ERC1: variants seen among roughly 807,000 people sequenced by gnomAD.
The protein encoded by ERC1 is ELKS/RAB6-interacting/CAST family member 1.
A neutral mutation model predicts 132.0 loss-of-function variants in ERC1; 56 were observed. The ratio of observed to expected loss-of-function variants is 0.42; its 90% CI spans 0.34 to 0.53. The LOEUF (loss-of-function observed/expected upper bound fraction) is 0.53. Among genes scored for constraint, ERC1 ranks in the 20% least tolerant of loss-of-function variants. The pLI is 0.03. For missense variants in ERC1, 1,202 were observed against 1,349.9 expected, an observed-to-expected ratio of 0.89 and a Z score of 1.72; for synonymous variants, 478 against 476.1, an observed-to-expected ratio of 1.00 and a Z score of -0.05.
intron 1 of ERC1, among the ~76,000 whole-genome samples, chr12:1,017,434 T>C (rs942366900): frequency 6.6e-5 from 10 of 152,210 alleles, no homozygotes; most frequent in Non-Finnish European, 1.2e-4. Context: ...AATTAGATTT[T>C]AGGAAATTTC....
intron 15 of ERC1, among the ~76,000 whole-genome samples, chr12:1,295,767 A>G (rs1421174651): frequency 6.6e-6 from 1 of 152,124 alleles, no homozygotes; most frequent in Non-Finnish European, 1.5e-5. Flanking sequence ...CTTTCAGCAG[A>G]TCAGCATACC....
intron 15 of ERC1, among the ~76,000 whole-genome samples, chr12:1,349,475 T>C (rs1402662671): frequency 6.6e-6 from 1 of 152,012 alleles, no homozygotes; most frequent in Non-Finnish European, 1.5e-5. Flanking sequence ...CACCAGCCTG[T>C]CCAATATGGT....
In ERC1 at chr12:1,324,959, G is replaced by T. The variant is rs555996370; in HGVS notation, c.2780+34947G>T. ...TAGCCCACACAGGAGGCAACTTAAT[G>T]TACAAAATGTTTTAAGTTAATTACT... On this transcript the variant is annotated intron_variant, in intron 15 of 18. Coordinates refer to ENST00000360905, the MANE Select transcript of ERC1 (RefSeq NM_178040.4). Among the ~76,000 whole-genome samples the T allele has an allele frequency of 1.8e-4, 27 of 152,126 alleles. 1 individual carries two copies. The highest frequency in any genetic ancestry group is 3.2e-3 in the Middle Eastern group (1 of 316).
intron 14 of ERC1, among the ~76,000 whole-genome samples, chr12:1,265,273 T>C (rs532181040): frequency 1.3e-5 from 2 of 152,316 alleles, no homozygotes; most frequent in South Asian, 4.1e-4. Flanking sequence ...TATTGACAAG[T>C]ATTAAACATC....
chr12:1,486,615 G>A (rs1375492234), intron 18 of ERC1, among the ~76,000 whole-genome samples: 1 of 151,992 alleles, frequency 6.6e-6, no homozygotes, highest in East Asian at 1.9e-4. Context: ...AGTAGAGACG[G>A]GGTTTTGCCG....
chr12:1,050,786 A>G (rs919350963), intron 2 of ERC1, among the ~76,000 whole-genome samples: 1 of 152,146 alleles, frequency 6.6e-6, no homozygotes, highest in Non-Finnish European at 1.5e-5. Flanking sequence ...CGGGTTGATC[A>G]CGAGGTGAAG....
chr12:1,299,097 A>G (rs1468521877), intron 15 of ERC1, among the ~76,000 whole-genome samples: 1 of 152,224 alleles, frequency 6.6e-6, no homozygotes, highest in Non-Finnish European at 1.5e-5. Context: ...TTTGACCTCT[A>G]TTCCTTAGAA....
At chr12:1,084,139 A>G (rs2154189692) in intron 3 of ERC1, among the ~76,000 whole-genome samples, 1 of 152,352 alleles carries the variant, frequency 6.6e-6, no homozygotes, top group African/African-American at 2.4e-5. Context: ...ACACAGTGTT[A>G]CTTATTTTTA....
At chr12:1,226,835 C>T (rs914902757) in intron 12 of ERC1, among the ~76,000 whole-genome samples, 2 of 152,136 alleles carry the variant, frequency 1.3e-5, no homozygotes, top group Admixed American at 1.3e-4. Flanking sequence ...TACCACCAGG[C>T]CTGGCTAATT....
chr12:1,308,052 A>G (rs1303352447), intron 15 of ERC1, among the ~76,000 whole-genome samples: 1 of 152,198 alleles, frequency 6.6e-6, no homozygotes, highest in African/African-American at 2.4e-5. Flanking sequence ...TGTGCATATA[A>G]GACATCATTT....
In ERC1 at chr12:1,493,548, A is replaced by AAAAAAAAAAAATATATATATATATAT. The variant is rs56939346; in HGVS notation, c.*3319_*3320insAAAAAAAAAATATATATATATATATA. ...ACTCCATTTAAAAAAAAAAAAAAAA[A>AAAAAAAAAAAATATATATATATATAT]ATATATATATATATATATATATATA... is the stretch of plus-strand genomic sequence containing the variant. On this transcript the variant is annotated 3_prime_UTR_variant, in exon 19 of 19. Coordinates refer to ENST00000360905, the MANE Select transcript of ERC1 (RefSeq NM_178040.4). 1 of 13,618 alleles carries AAAAAAAAAAAATATATATATATATAT rather than the reference A, an allele frequency of 7.3e-5. No individual in the cohort carries two copies. Among genetic ancestry groups the AAAAAAAAAAAATATATATATATATAT allele is most frequent in the Non-Finnish European group, 1.5e-4 (1 of 6,820 alleles). 0.8% of individuals were successfully genotyped at this position (13,618 alleles called of 1,614,324 possible). A position where few individuals can be genotyped will look rare whatever the true frequency, so the allele number is the denominator to read the frequency against.
intron 2 of ERC1, among the ~76,000 whole-genome samples, chr12:1,068,960 T>C (rs951171190): frequency 2.0e-5 from 3 of 151,710 alleles, no homozygotes; most frequent in Non-Finnish European, 4.4e-5. Flanking sequence ...TTTTGGCGAA[T>C]GGTTGTTTGT....
At position 992,407 on chromosome 12, in the gene ERC1, G is replaced by A. The variant is rs1461175207; in HGVS notation, c.-157+1085G>A. ...TTAAAGTACAACCGTCTTTTATAGCGTGTTGCTTGCTCAGTACACCTTGAC... is the reference window on the plus strand; with the variant it reads ...TTAAAGTACAACCGTCTTTTATAGCATGTTGCTTGCTCAGTACACCTTGAC... On this transcript the variant is annotated intron_variant, in intron 1 of 18. Transcript: ENST00000360905. Among the ~76,000 whole-genome samples the A allele has an allele frequency of 3.9e-5, 6 of 152,314 alleles. No homozygotes were observed. In the East Asian group the frequency reaches 7.7e-4, roughly 20 times the overall value.
chr12:1,419,829 T>C (rs910726266), intron 17 of ERC1, among the ~76,000 whole-genome samples: 1 of 147,900 alleles, frequency 6.8e-6, no homozygotes, highest in Non-Finnish European at 1.5e-5. Context: ...TTTAAAACTT[T>C]CCTAATTAAA....
chr12:1,331,988 T>A (rs958104613), intron 15 of ERC1, among the ~76,000 whole-genome samples: 2 of 152,250 alleles, frequency 1.3e-5, no homozygotes, highest in Non-Finnish European at 1.5e-5. Flanking sequence ...ATTTATGACT[T>A]CTTTTTTTCT....
chr12:1,255,799 A>AT (rs1264492320), intron 13 of ERC1, among the ~76,000 whole-genome samples: 12 of 147,152 alleles, frequency 8.2e-5, no homozygotes, highest in Non-Finnish European at 1.5e-4. Flanking sequence ...CTCCTGGCTA[A>AT]TTTTTTTTTG....
chr12:1,237,991 A>G (rs1470243497), intron 13 of ERC1, among the ~76,000 whole-genome samples: 2 of 152,114 alleles, frequency 1.3e-5, no homozygotes, highest in Non-Finnish European at 2.9e-5. Flanking sequence ...TCTACTTTTT[A>G]CTTCTTTTTC....
At chr12:1,370,861 G>A (rs548590622) in intron 15 of ERC1, among the ~76,000 whole-genome samples, 3 of 152,210 alleles carry the variant, frequency 2.0e-5, no homozygotes, top group South Asian at 4.2e-4. Context: ...GTGAGTAGCT[G>A]GGACCAGAAG....
chr12:1,219,355 T>C (rs1958741612), intron 12 of ERC1, among the ~76,000 whole-genome samples: 1 of 152,206 alleles, frequency 6.6e-6, no homozygotes, highest in Non-Finnish European at 1.5e-5. Context: ...CAAAACCTCT[T>C]CTTCCCCAGT....
Sources: gnomAD v4.1 joint callset for allele counts (sites outside exome capture counted in the v4.1 genomes callset) on GRCh38, gnomAD v4.1.1 for gene constraint, MANE v1.5 for transcripts, NCBI Gene and HGNC (gene_info 2026-07-23, HGNC 2026-07-21) for gene names.